The following SEMA6D variants were observed in gnomAD, a reference collection of about 807,000 sequenced individuals.
SEMA6D encodes semaphorin 6D, also known as semaphorin-6D.
Under a neutral mutation model 106.6 loss-of-function variants are expected in SEMA6D, and 35 were observed. The ratio of observed to expected loss-of-function variants is 0.33; its 90% CI spans 0.25 to 0.44. The LOEUF (loss-of-function observed/expected upper bound fraction) is 0.44. SEMA6D is among the 20% of genes least tolerant of loss of function. SEMA6D has a pLI of 1.00. For missense variants in SEMA6D, 1,185 were observed against 1,345.9 expected (o/e 0.88, Z 1.87); for synonymous variants, 499 against 487.7 (o/e 1.02, Z -0.31).
chr15:47,620,939 C>T (rs1305057808), intron 4 of SEMA6D, among the ~76,000 whole-genome samples: 2 of 151,672 alleles, frequency 1.3e-5, no homozygotes, highest in African/African-American at 2.4e-5. Context: ...CTTGACAGCA[C>T]GGAATCCTGC....
intron 3 of SEMA6D, chr15:47,581,383 G>A (rs771547445): frequency 2.0e-6 from 1 of 493,840 alleles, no homozygotes; most frequent in African/African-American, 2.0e-5. Flanking sequence ...AAATAAACAA[G>A]ATAATTCCAT....
At chr15:47,217,025 A>G (rs917299187) in intron 1 of SEMA6D, among the ~76,000 whole-genome samples, 1 of 152,126 alleles carries the variant, frequency 6.6e-6, no homozygotes, top group South Asian at 2.1e-4. Flanking sequence ...TCTTCCATAT[A>G]AAAACACAGC....
At chr15:47,369,948 G>T (rs2039208218) in intron 1 of SEMA6D, among the ~76,000 whole-genome samples, 1 of 152,204 alleles carries the variant, frequency 6.6e-6, no homozygotes, top group Non-Finnish European at 1.5e-5. Flanking sequence ...TCAGCTCTGT[G>T]AAAGAGATGC....
At chr15:47,689,381 C>T (rs954369216) in intron 4 of SEMA6D, among the ~76,000 whole-genome samples, 2 of 152,196 alleles carry the variant, frequency 1.3e-5, no homozygotes, top group Admixed American at 6.5e-5. Flanking sequence ...AGCTGATTGG[C>T]TCTTTCATAA....
intron 1 of SEMA6D, among the ~76,000 whole-genome samples, chr15:47,189,307 A>C (rs1201152770): frequency 6.6e-6 from 1 of 152,146 alleles, no homozygotes; most frequent in South Asian, 2.1e-4. Context: ...TGAAATTTCT[A>C]TGTAAATACA....
At position 47,764,083 on chromosome 15, in the gene SEMA6D, C is replaced by T. The variant is rs748209222; in HGVS notation, c.965+16C>T. 4.0e-5 allele frequency: 65 copies of T among 1,613,290 alleles called. No homozygotes were observed. In the East Asian group the frequency reaches 9.1e-4, roughly 23 times the overall value. On this transcript the variant is annotated intron_variant, in intron 10 of 18. Transcript: ENST00000536845. The stretch of plus-strand genomic sequence containing the variant: ...AGCTCAATAGGTGAGAGCAGAACCC[C>T]GGCACTGCAAAGATATTCTCTGCAT...
chr15:47,682,507 T>C (rs1424812917), intron 4 of SEMA6D, among the ~76,000 whole-genome samples: 3 of 152,210 alleles, frequency 2.0e-5, no homozygotes, highest in East Asian at 3.9e-4. Flanking sequence ...GCAATGGTCA[T>C]ATCATTCTGA....
chr15:47,727,363 C>G (rs956235565), intron 1 of SEMA6D, among the ~76,000 whole-genome samples: 1 of 152,172 alleles, frequency 6.6e-6, no homozygotes, highest in Admixed American at 6.5e-5. Context: ...AGGAACACTT[C>G]AGGTAACTTG....
chr15:47,232,170 AG>A (rs2032238723), intron 1 of SEMA6D, among the ~76,000 whole-genome samples: 2 of 152,016 alleles, frequency 1.3e-5, no homozygotes. Context: ...TCCATGTTGC[AG>A]TATGATCAAT....
At chr15:47,720,276 T>C (rs1007869547) in intron 1 of SEMA6D, among the ~76,000 whole-genome samples, 25 of 148,030 alleles carry the variant, frequency 1.7e-4, no homozygotes, top group Non-Finnish European at 2.5e-4. Flanking sequence ...TTTTTTTTTT[T>C]TTTTTTTTGG....
chr15:47,675,629 A>AGTATT (rs1448793665), intron 4 of SEMA6D, among the ~76,000 whole-genome samples: 1 of 152,220 alleles, frequency 6.6e-6, no homozygotes, highest in East Asian at 1.9e-4. Context: ...GATATCAATT[A>AGTATT]GTATTGTGTT....
chr15:47,539,197 T>C (rs1412270157), intron 3 of SEMA6D, among the ~76,000 whole-genome samples: 1 of 152,214 alleles, frequency 6.6e-6, no homozygotes, highest in Non-Finnish European at 1.5e-5. Context: ...TATTGTGATG[T>C]GCTTGTCATC....
chr15:47,256,051 C>CTA (rs1471221098), intron 1 of SEMA6D, among the ~76,000 whole-genome samples: 1 of 152,096 alleles, frequency 6.6e-6, no homozygotes, highest in East Asian at 1.9e-4. Flanking sequence ...TTCCATTAAT[C>CTA]TATGTGTCTG....
At chr15:47,502,688 T>G (rs1391809809) in intron 3 of SEMA6D, among the ~76,000 whole-genome samples, 1 of 152,206 alleles carries the variant, frequency 6.6e-6, no homozygotes, top group African/African-American at 2.4e-5. Context: ...GTAGCAAATT[T>G]TCAAACTCAT....
intron 4 of SEMA6D, among the ~76,000 whole-genome samples, chr15:47,702,043 T>A (rs911498958): frequency 2.0e-5 from 3 of 152,190 alleles, no homozygotes; most frequent in Admixed American, 6.5e-5. Flanking sequence ...GGCCAAATTT[T>A]TATTCAGAAA....
intron 1 of SEMA6D, among the ~76,000 whole-genome samples, chr15:47,729,927 C>T (rs996539071): frequency 1.2e-4 from 18 of 152,334 alleles, no homozygotes; most frequent in Middle Eastern, 6.8e-3. Flanking sequence ...TGGACAAGGA[C>T]TGGCCTTGCT....
At chr15:47,530,935 A>G (rs1430589794) in intron 3 of SEMA6D, among the ~76,000 whole-genome samples, 2 of 152,226 alleles carry the variant, frequency 1.3e-5, no homozygotes, top group Non-Finnish European at 2.9e-5. Flanking sequence ...AATTCAAACT[A>G]GTAACTCAGC....
chr15:47,251,913 T>A (rs1458749416), intron 1 of SEMA6D, among the ~76,000 whole-genome samples: 13 of 128,788 alleles, frequency 1.0e-4, no homozygotes, highest in East Asian at 2.2e-4. Flanking sequence ...TTGGATTTTT[T>A]TTTTTTTTTT....
At chr15:47,429,315 T>C (rs546690255) in intron 2 of SEMA6D, among the ~76,000 whole-genome samples, 6 of 152,118 alleles carry the variant, frequency 3.9e-5, no homozygotes, top group Non-Finnish European at 7.4e-5. Context: ...AGGTGCTTTC[T>C]TTTTAGCATT....
Sources: allele counts gnomAD v4.1 joint callset (sites outside exome capture counted in the v4.1 genomes callset), GRCh38; gene constraint gnomAD v4.1.1; transcripts MANE v1.5; gene names NCBI Gene and HGNC (gene_info 2026-07-23, HGNC 2026-07-21).